The following ARHGAP21 variants were observed in gnomAD, a reference collection of about 807,000 sequenced individuals.
The protein encoded by ARHGAP21 is rho GTPase-activating protein 21.
Under a neutral mutation model 164.6 loss-of-function variants are expected in ARHGAP21, and 38 were observed. The observed-to-expected ratio is 0.23, with a 90% CI of 0.18 to 0.30. ARHGAP21 has a LOEUF of 0.30. Ranked by LOEUF, ARHGAP21 falls within the 10% of genes least tolerant of loss-of-function variation. ARHGAP21 has a pLI of 1.00. For synonymous variants in ARHGAP21, 766 were observed against 857.9 expected, an observed-to-expected ratio of 0.89 and a Z score of 1.87; for missense variants, 1,822 against 2,370.7, an observed-to-expected ratio of 0.77 and a Z score of 4.81.
intron 2 of ARHGAP21, among the ~76,000 whole-genome samples, chr10:24,690,919 A>G (rs1450478885): frequency 6.6e-6 from 1 of 151,768 alleles, no homozygotes. Flanking sequence ...TAAAACATAG[A>G]AAGGCAGATA....
Position 24,592,720 on chromosome 10 carries a change from A to AGTAAGATCCTGTTTGAAG in ARHGAP21, c.3877-726_3877-709dup, listed in dbSNP as rs540670022. On this transcript the variant is annotated intron_variant, in intron 21 of 25. Coordinates refer to ENST00000396432, the MANE Select transcript of ARHGAP21 (RefSeq NM_020824.4). ...GTCGAGGTTGCAGCCTGGGCGACAG[A>AGTAAGATCCTGTTTGAAG]GTAAGATCCTGTTTGAAGAAAAAAA... Among the ~76,000 whole-genome samples, 969 of 151,828 alleles carry AGTAAGATCCTGTTTGAAG rather than the reference A, an allele frequency of 6.4e-3. 10 individuals are homozygous for AGTAAGATCCTGTTTGAAG. The highest frequency in any genetic ancestry group is 0.022 in the African/African-American group (901 of 41,386).
chr10:24,667,160 T>C, intron 3 of ARHGAP21, 151 bp from the exon 4 acceptor site: 1 of 454,356 alleles, frequency 2.2e-6, no homozygotes, highest in South Asian at 3.5e-5. Context: ...CATTCTCTTC[T>C]ATAGCCACTG....
At chr10:24,649,367 G>C (rs1008959214) in intron 4 of ARHGAP21, among the ~76,000 whole-genome samples, 5 of 152,108 alleles carry the variant, frequency 3.3e-5, no homozygotes, top group African/African-American at 9.7e-5. Context: ...TTTCTACCCA[G>C]CAAATAGAAG....
intron 24 of ARHGAP21, 68 bp from the exon 25 acceptor site, chr10:24,589,370 A>C: frequency 7.1e-7 from 1 of 1,401,130 alleles, no homozygotes; most frequent in African/African-American, 1.5e-5. Flanking sequence ...AACAATGCAA[A>C]ACTTATGGAA....
At chr10:24,596,377 C>G (rs934985059) in intron 17 of ARHGAP21, 16 of 441,548 alleles carry the variant, frequency 3.6e-5, no homozygotes, top group Non-Finnish European at 6.3e-5. Context: ...ATTCATGATA[C>G]GAATCCTAGC....
At position 24,621,015 on chromosome 10, in the gene ARHGAP21, G is replaced by A. The variant is rs772325810; in HGVS notation, c.880C>T (p.Pro294Ser). Reference protein sequence around the residue: ...LLSNRNNHTGPSHRTEEVRYG... With the variant: ...LLSNRNNHTGSSHRTEEVRYG... The stretch of plus-strand genomic sequence containing the variant: ...CTCACTTCTTCAGTTCTATGTGAAG[G>A]ACCTGTATGGTTGTTTCTATTGGAT... Residue 294 changes from proline to serine, a missense_variant, in exon 9 of 26, where the codon CCT becomes TCT. By Grantham distance (74) the Pro-to-Ser change is moderately conservative. Around this residue, in one of 5 missense-constraint regions of ARHGAP21, gnomAD observed 1,090 missense variants for 1,378.9 expected, o/e 0.79. Transcript: ENST00000396432. 2 of 1,613,896 alleles carry A rather than the reference G, an allele frequency of 1.2e-6. No homozygotes were observed. Among genetic ancestry groups the A allele is most frequent in the South Asian group, 1.1e-5 (1 of 91,080 alleles).
intron 4 of ARHGAP21, among the ~76,000 whole-genome samples, chr10:24,650,526 C>T (rs1461613448): frequency 4.6e-5 from 7 of 152,106 alleles, no homozygotes; most frequent in Non-Finnish European, 8.8e-5. Flanking sequence ...TAATAATGTT[C>T]TTTAACCTTT....
At chr10:24,676,589 A>G (rs1028706011) in intron 2 of ARHGAP21, among the ~76,000 whole-genome samples, 1 of 152,318 alleles carries the variant, frequency 6.6e-6, no homozygotes, top group East Asian at 1.9e-4. Context: ...AATGTTCACT[A>G]TTCAGGTGAT....
intron 2 of ARHGAP21, among the ~76,000 whole-genome samples, chr10:24,710,920 C>T (rs975157226): frequency 1.3e-5 from 2 of 151,764 alleles, no homozygotes; most frequent in Non-Finnish European, 2.9e-5. Context: ...ATGGCGAAAC[C>T]CCATCTCTAT....
At chr10:24,595,639 G>GTTCAATTTAATA (rs1451888267) in intron 19 of ARHGAP21, 78 bp downstream of exon 19, 1 of 1,426,148 alleles carries the variant, frequency 7.0e-7, no homozygotes, top group African/African-American at 1.4e-5. Flanking sequence ...TTTTGTCCTT[G>GTTCAATTTAATA]TTCAATTTAA....
At chr10:24,664,182 G>A (rs1431223525) in intron 4 of ARHGAP21, among the ~76,000 whole-genome samples, 4 of 152,176 alleles carry the variant, frequency 2.6e-5, no homozygotes, top group African/African-American at 9.7e-5. Context: ...AGAATAATGT[G>A]TATCCTTAAC....
At chr10:24,652,573 A>G (rs997778822) in intron 4 of ARHGAP21, among the ~76,000 whole-genome samples, 2 of 152,230 alleles carry the variant, frequency 1.3e-5, no homozygotes, top group African/African-American at 2.4e-5. Flanking sequence ...TGCTAATAGT[A>G]TATCACTAAC....
intron 4 of ARHGAP21, among the ~76,000 whole-genome samples, chr10:24,658,392 C>T (rs141190898): frequency 0.011 from 1,616 of 152,220 alleles, 12 homozygotes; most frequent in Non-Finnish European, 0.017. Flanking sequence ...ATGTTTATTG[C>T]GGCACTATTC....
chr10:24,694,959 G>A (rs1203545160), intron 2 of ARHGAP21, among the ~76,000 whole-genome samples: 1 of 150,248 alleles, frequency 6.7e-6, no homozygotes, highest in Non-Finnish European at 1.5e-5. Flanking sequence ...GCTGGGGCAG[G>A]AGAATCACTT....
intron 4 of ARHGAP21, among the ~76,000 whole-genome samples, chr10:24,642,408 G>C (rs867527326): frequency 6.6e-6 from 1 of 151,280 alleles, no homozygotes; most frequent in Non-Finnish European, 1.5e-5. Context: ...CCAGCTACTC[G>C]GGAGGCTGAG....
intron 14 of ARHGAP21, 60 bp downstream of exon 14, chr10:24,600,586 T>G: frequency 6.5e-7 from 1 of 1,549,956 alleles, no homozygotes; most frequent in East Asian, 2.3e-5. Context: ...ATTCCTTAGA[T>G]CTTTGTAAGA....
In ARHGAP21 at chr10:24,635,547, G is replaced by A. The variant is rs189959510; in HGVS notation, c.269-444C>T. ...TGGCTTTTGTTTTTTGTTTTGTTTT[G>A]TTTTGTTTTGTTTTTTTGAGATGGA... On this transcript the variant is annotated intron_variant, in intron 4 of 25. Transcript: ENST00000396432. Among the ~76,000 whole-genome samples the A allele has an allele frequency of 2.0e-5, 3 of 152,126 alleles. No individual in the cohort carries two copies. In the East Asian group the frequency reaches 5.8e-4, roughly 29 times the overall value.
At chr10:24,596,993 T>A in intron 16 of ARHGAP21, 111 bp from the exon 17 acceptor site, 2 of 1,173,010 alleles carry the variant, frequency 1.7e-6, no homozygotes, top group Non-Finnish European at 2.3e-6. Context: ...TCCTGTAATA[T>A]AAATAATACA....
At chr10:24,610,370 CA>C (rs2077205018) in intron 9 of ARHGAP21, among the ~76,000 whole-genome samples, 1 of 114,476 alleles carries the variant, frequency 8.7e-6, no homozygotes, top group African/African-American at 3.3e-5. Context: ...AGGACTCTGT[CA>C]CAAAAAAAAA....
Sources: gnomAD v4.1 joint callset for allele counts (sites outside exome capture counted in the v4.1 genomes callset) on GRCh38, gnomAD v4.1.1 for gene constraint, gnomAD v4.1.1 regional missense constraint, MANE v1.5 for transcripts, NCBI Gene and HGNC (gene_info 2026-07-23, HGNC 2026-07-21) for gene names.